The following MTOR variants were observed in gnomAD, a reference collection of about 807,000 sequenced individuals.
MTOR encodes the protein mechanistic target of rapamycin kinase.
Under a neutral mutation model 319.8 loss-of-function variants are expected in MTOR, and 70 were observed. The observed-to-expected ratio is 0.22, with a 90% CI of 0.18 to 0.27. The LOEUF is 0.27. Ranked by LOEUF, MTOR falls within the 10% of genes least tolerant of loss-of-function variation. MTOR has a pLI of 1.00. For synonymous variants in MTOR, 1,183 were observed against 1,211.4 expected, an observed-to-expected ratio of 0.98 and a Z score of 0.49; for missense variants, 1,890 against 3,274.4, an observed-to-expected ratio of 0.58 and a Z score of 10.32.
chr1:11,246,515 C>T (rs1386438762), intron 8 of MTOR, among the ~76,000 whole-genome samples: 1 of 152,184 alleles, frequency 6.6e-6, no homozygotes, highest in Non-Finnish European at 1.5e-5. Context: ...TTTTATGTGG[C>T]GAATTGTCAT....
At chr1:11,246,499 C>T (rs1648844291) in intron 8 of MTOR, among the ~76,000 whole-genome samples, 1 of 152,178 alleles carries the variant, frequency 6.6e-6, no homozygotes, top group Admixed American at 6.5e-5. Context: ...CTCTCTGGTT[C>T]AGTGGTTTTA....
In MTOR at chr1:11,109,536, T is replaced by C; in HGVS notation, c.7447+113A>G. ...AATGAGAAATTCATGGAACCTTTTC[T>C]GCTCAAAGGCAGTTTTGTTGCTTCA... On this transcript the variant is annotated intron_variant, in intron 55 of 57. Coordinates refer to ENST00000361445, the MANE Select transcript of MTOR (RefSeq NM_004958.4). This position sits in a 1 kb window ranked among gnomAD's most constrained non-coding sequence, Gnocchi z 4.0. The C allele has an allele frequency of 8.0e-7, 1 of 1,255,702 alleles. No homozygotes were observed. The highest frequency in any genetic ancestry group is 1.2e-6 in the Non-Finnish European group (1 of 868,266). The allele number at this position is 1,255,702 out of a possible 1,614,324, so 77.8% of individuals were successfully genotyped here. A position where few individuals can be genotyped will look rare whatever the true frequency, so the allele number is the denominator to read the frequency against.
chr1:11,118,228 ATTTTTT>A (rs771785403), intron 49 of MTOR, among the ~76,000 whole-genome samples: 80 of 120,728 alleles, frequency 6.6e-4, no homozygotes, highest in African/African-American at 2.9e-3. Flanking sequence ...AACTTAGTTA[ATTTTTT>A]TTTTTTTTTT....
At chr1:11,261,220 G>A (rs1309927011) in intron 1 of MTOR, among the ~76,000 whole-genome samples, 1 of 151,248 alleles carries the variant, frequency 6.6e-6, no homozygotes, top group African/African-American at 2.4e-5. Context: ...TCCTGGCCGG[G>A]TTTGGGAGGC....
intron 23 of MTOR, among the ~76,000 whole-genome samples, chr1:11,211,885 A>G (rs1646324023): frequency 6.6e-6 from 1 of 151,756 alleles, no homozygotes; most frequent in Non-Finnish European, 1.5e-5. Flanking sequence ...TGCCACCTCA[A>G]CCTTAGCACT....
At chr1:11,167,040 A>T (rs1314801585) in intron 29 of MTOR, among the ~76,000 whole-genome samples, 1 of 152,228 alleles carries the variant, frequency 6.6e-6, no homozygotes, top group Admixed American at 6.5e-5. Flanking sequence ...GTGGGAACTG[A>T]ACAATGAGAA....
chr1:11,241,096 C>T (rs1252456979), intron 10 of MTOR, among the ~76,000 whole-genome samples: 3 of 151,202 alleles, frequency 2.0e-5, no homozygotes, highest in Admixed American at 2.0e-4. Flanking sequence ...CCGAGGTGGG[C>T]GGATCACAAG....
chr1:11,145,781 G>C (rs1643910149), intron 32 of MTOR, among the ~76,000 whole-genome samples: 1 of 152,146 alleles, frequency 6.6e-6, no homozygotes, highest in Non-Finnish European at 1.5e-5. Flanking sequence ...TGCGATTACA[G>C]GTGTGAGCCA....
At chr1:11,222,085 GATAA>G (rs1327084967) in intron 19 of MTOR, among the ~76,000 whole-genome samples, 1 of 151,618 alleles carries the variant, frequency 6.6e-6, no homozygotes, top group African/African-American at 2.4e-5. Context: ...TTGATAAATT[GATAA>G]ATAAAGGGAA....
chr1:11,247,631 A>C lies in MTOR; in HGVS notation c.1219T>G (p.Phe407Val). The change falls in exon 8 of 58, where the codon TTC (phenylalanine) becomes GTC (valine). Residue 407 changes from phenylalanine to valine, a missense_variant. Transcript: ENST00000361445. ...CTTCCATGGACATCCTCACCTGTGA[A>C]GGCAGAAGGTCGGAATGCAGCCAAG... ...PRLAAFRPSAFTDTQYLQDTM... is the reference protein window; with the variant it reads ...PRLAAFRPSAVTDTQYLQDTM... The C allele has an allele frequency of 6.2e-7, 1 of 1,614,018 alleles. No homozygotes were observed. Among genetic ancestry groups the C allele is most frequent in the Non-Finnish European group, 8.5e-7 (1 of 1,179,920 alleles).
intron 6 of MTOR, among the ~76,000 whole-genome samples, chr1:11,250,152 A>G (rs376468563): frequency 0.045 from 4,785 of 106,062 alleles, 199 homozygotes; most frequent in Non-Finnish European, 0.063. Context: ...CCTCCCGGAC[A>G]GGGCGGCTGG....
In MTOR at chr1:11,121,490, G is replaced by T; in HGVS notation, c.6811-122C>A. On this transcript the variant is annotated intron_variant, in intron 48 of 57. Coordinates refer to ENST00000361445, the MANE Select transcript of MTOR (RefSeq NM_004958.4). This position sits in a 1 kb window ranked among gnomAD's most constrained non-coding sequence, Gnocchi z 4.9. The stretch of plus-strand genomic sequence containing the variant: ...TCTAATTTCCCCATCATAGCCAAAG[G>T]AGAAGGGAAATAAGAACATGGCAAA... 7.5e-7 allele frequency: 1 copy of T among 1,334,296 alleles called. No individual in the cohort carries two copies. Among genetic ancestry groups the T allele is most frequent in the East Asian group, 2.3e-5 (1 of 43,006 alleles). The allele number at this position is 1,334,296 out of a possible 1,614,324, so 82.7% of individuals were successfully genotyped here.
At chr1:11,167,593 G>T (rs1318522333) in intron 28 of MTOR, 76 bp from the exon 29 acceptor site, 3 of 1,119,194 alleles carry the variant, frequency 2.7e-6, no homozygotes, top group Non-Finnish European at 4.0e-6. Flanking sequence ...TTTGTGGGCA[G>T]ATGGTTCACC....
chr1:11,144,439 A>G (rs1643857371), intron 34 of MTOR: 1 of 528,164 alleles, frequency 1.9e-6, no homozygotes, highest in Non-Finnish European at 3.4e-6. Flanking sequence ...AGAGAATAAG[A>G]AGAGACTGGA....
intron 13 of MTOR, among the ~76,000 whole-genome samples, chr1:11,235,429 A>G (rs1398403860): frequency 6.6e-6 from 1 of 152,108 alleles, no homozygotes; most frequent in Non-Finnish European, 1.5e-5. Context: ...GGTTGCAGTG[A>G]GACGAGATCC....
At chr1:11,149,351 A>T (rs918154499) in intron 31 of MTOR, 12 of 152,204 alleles carry the variant, frequency 7.9e-5, no homozygotes, top group Admixed American at 6.5e-4. Context: ...GGAAAGGTGA[A>T]GAGGTTGAAA....
chr1:11,108,097 C>A lies in MTOR; in HGVS notation c.7634+84G>T, dbSNP rs1641665216. On this transcript the variant is annotated intron_variant, in intron 57 of 57. Transcript: ENST00000361445. ...GCCCTTTACAGATACCTCACCAAAT[C>A]TCTTTTTGCTACTCTGGCTTTGGGG... is the stretch of plus-strand genomic sequence containing the variant. 2.8e-6 allele frequency: 3 copies of A among 1,089,134 alleles called. No homozygotes were observed. In the East Asian group the frequency reaches 7.2e-5, roughly 26 times the overall value. The allele number at this position is 1,089,134 out of a possible 1,614,324, so 67.5% of individuals were successfully genotyped here.
At chr1:11,126,309 C>T (rs1642835019) in intron 46 of MTOR, among the ~76,000 whole-genome samples, 1 of 152,094 alleles carries the variant, frequency 6.6e-6, no homozygotes, top group Admixed American at 6.6e-5. Flanking sequence ...CTGCTTGCAC[C>T]CAGCTGCCTC....
chr1:11,240,221 A>T (rs1231765318), intron 11 of MTOR, 82 bp downstream of exon 11: 1 of 1,491,140 alleles, frequency 6.7e-7, no homozygotes, highest in African/African-American at 1.4e-5. Context: ...AGCAAGATCC[A>T]GGAATCCTAG....
Sources: gnomAD v4.1 joint callset for allele counts (sites outside exome capture counted in the v4.1 genomes callset) on GRCh38, gnomAD v4.1.1 for gene constraint, Gnocchi (gnomAD v3.1) non-coding constraint, MANE v1.5 for transcripts, NCBI Gene and HGNC (gene_info 2026-07-23, HGNC 2026-07-21) for gene names.